The following ZNF143 variants were observed in gnomAD, a reference collection of about 807,000 sequenced individuals.
ZNF143 encodes SPH-binding factor.
ZNF143 carries 49 observed loss-of-function variants against 74.1 expected under a neutral mutation model. The observed-to-expected ratio is 0.66, with a 90% CI of 0.53 to 0.84. ZNF143 has a LOEUF of 0.84. Among genes scored for constraint, ZNF143 ranks in the 40% least tolerant of loss-of-function variants. The probability of loss-of-function intolerance (pLI) is 0.00; values close to 1 mark genes in which losing one functional copy is unlikely to be tolerated. For missense variants in ZNF143, 637 were observed against 793.4 expected (o/e 0.80, Z 2.37); for synonymous variants, 304 against 282.8 (o/e 1.07, Z -0.75).
rs1856657425 is a variant in ZNF143 at position 9,472,754 on chromosome 11, C to G, written c.190C>G (p.Gln64Glu). Reference sequence around the variant, plus strand: ...TGCAGATGGTTCTACTGCTTACATACAACACAATTCTAAAGGTATGTGCCT... The same window carrying G: ...TGCAGATGGTTCTACTGCTTACATAGAACACAATTCTAAAGGTATGTGCCT... ...TLADGSTAYI[Q>E]HNSKDAKLID... Residue 64 changes from glutamine to glutamate, a missense_variant, in exon 3 of 16, where the codon CAA (glutamine) becomes GAA (glutamate). Gln to Glu is a conservative substitution (Grantham distance 29). Around this residue, in one of 2 missense-constraint regions of ZNF143, gnomAD observed 293 missense variants for 307.8 expected, o/e 0.95. Transcript: ENST00000396602. 1 of 1,585,238 alleles carries G rather than the reference C, an allele frequency of 6.3e-7. No individual in the cohort carries two copies. The highest frequency in any genetic ancestry group is 8.5e-7 in the Non-Finnish European group (1 of 1,169,594).
At chr11:9,492,853 G>A (rs187828867) in intron 7 of ZNF143, among the ~76,000 whole-genome samples, 108 of 152,242 alleles carry the variant, frequency 7.1e-4, no homozygotes, top group Non-Finnish European at 1.4e-3. Context: ...CAACAAGACA[G>A]TTGATTAAAG....
intron 14 of ZNF143, among the ~76,000 whole-genome samples, chr11:9,522,298 C>G (rs1250348622): frequency 1.3e-5 from 2 of 151,688 alleles, no homozygotes; most frequent in South Asian, 4.2e-4. Flanking sequence ...TAGCTGGGAC[C>G]CAGGCTGGCC....
At chr11:9,462,478 A>T (rs920540818) in intron 1 of ZNF143, among the ~76,000 whole-genome samples, 2 of 151,888 alleles carry the variant, frequency 1.3e-5, no homozygotes, top group Non-Finnish European at 1.5e-5. Context: ...TGAGAGGATC[A>T]CTTGAGCCCA....
chr11:9,463,675 G>A (rs577338300), intron 1 of ZNF143: 1 of 152,264 alleles, frequency 6.6e-6, no homozygotes, highest in African/African-American at 2.4e-5. Context: ...CTAGATAGAA[G>A]TCCCTTATCA....
chr11:9,482,046 C>G (rs1590540447), intron 7 of ZNF143, among the ~76,000 whole-genome samples: 1 of 145,102 alleles, frequency 6.9e-6, no homozygotes, highest in African/African-American at 2.6e-5. Context: ...TCTTGGCTCA[C>G]TGCAAGCTCT....
In ZNF143 at chr11:9,473,982, G is replaced by A; in HGVS notation, c.247G>A (p.Gly83Ser). The A allele has an allele frequency of 1.9e-6, 3 of 1,614,032 alleles. No homozygotes were observed. Among genetic ancestry groups the A allele is most frequent in the Non-Finnish European group, 2.5e-6 (3 of 1,179,962 alleles). Reference sequence around the variant, plus strand: ...TGGCCAGGTCATTCAGTTGGAAGATGGTTCTGCGGCCTATGTTCAACATGT... The same window carrying A: ...TGGCCAGGTCATTCAGTTGGAAGATAGTTCTGCGGCCTATGTTCAACATGT... ...IDGQVIQLED[G>S]SAAYVQHVPI... The change falls in exon 4 of 16, where the codon GGT (glycine) becomes AGT (serine). Residue 83 changes from glycine (G) to serine (S), a missense_variant. Around this residue, in one of 2 missense-constraint regions of ZNF143, gnomAD observed 293 missense variants for 307.8 expected, o/e 0.95. Transcript: ENST00000396602.
At chr11:9,483,917 C>T (rs1847352172) in intron 7 of ZNF143, among the ~76,000 whole-genome samples, 1 of 150,562 alleles carries the variant, frequency 6.6e-6, no homozygotes, top group South Asian at 2.1e-4. Flanking sequence ...GCACAGCTGA[C>T]GTTTGTATTT....
chr11:9,474,160 C>G, intron 4 of ZNF143, 136 bp downstream of exon 4: 1 of 720,586 alleles, frequency 1.4e-6, no homozygotes, highest in Non-Finnish European at 2.4e-6. Flanking sequence ...ATTATAGATG[C>G]CACAGAGTGG....
chr11:9,483,852 G>A (rs1036733124), intron 7 of ZNF143, among the ~76,000 whole-genome samples: 2 of 148,672 alleles, frequency 1.3e-5, no homozygotes, highest in East Asian at 2.0e-4. Context: ...TGGGTTCAGC[G>A]GATTCTCCTG....
chr11:9,519,384 G>T (rs1459384187), intron 14 of ZNF143, among the ~76,000 whole-genome samples: 2 of 152,134 alleles, frequency 1.3e-5, no homozygotes, highest in Non-Finnish European at 2.9e-5. Flanking sequence ...GACCTCAAGT[G>T]ATCTGCCCGC....
At chr11:9,489,593 A>G (rs530934677) in intron 7 of ZNF143, among the ~76,000 whole-genome samples, 10 of 152,306 alleles carry the variant, frequency 6.6e-5, no homozygotes, top group Non-Finnish European at 1.3e-4. Flanking sequence ...CTCCTAATAA[A>G]TTGGCCTAGG....
At chr11:9,466,307 T>TCTTTTC (rs201957677) in intron 1 of ZNF143, among the ~76,000 whole-genome samples, 2 of 147,406 alleles carry the variant, frequency 1.4e-5, no homozygotes, top group Non-Finnish European at 3.0e-5. Flanking sequence ...TCTTTTCTTT[T>TCTTTTC]TTTTTGAGAT....
At chr11:9,514,618 A>G (rs1353753123) in intron 13 of ZNF143, among the ~76,000 whole-genome samples, 2 of 152,254 alleles carry the variant, frequency 1.3e-5, no homozygotes, top group Non-Finnish European at 2.9e-5. Flanking sequence ...AGATCCTAAT[A>G]AGAGAATGGG....
Position 9,474,524 on chromosome 11 carries a change from AT to A in ZNF143, c.290-25del, listed in dbSNP as rs754635612. On this transcript the variant is annotated intron_variant, in intron 4 of 15. Transcript: ENST00000396602. ...ATTGGAATGTGCTAGAAAACATGAG[AT>A]CTAAATGTAAGCATTGTTCTTGAGC... 1.9e-5 allele frequency: 30 copies of A among 1,612,778 alleles called. 2 individuals are homozygous for A. In the South Asian group the frequency reaches 3.2e-4, roughly 17 times the overall value.
At chr11:9,461,877 T>G (rs964980202) in intron 1 of ZNF143, 1 of 152,212 alleles carries the variant, frequency 6.6e-6, no homozygotes, top group Non-Finnish European at 1.5e-5. Flanking sequence ...TGCCAGCCCA[T>G]TATTTGTTTA....
Position 9,527,779 on chromosome 11 carries a change from A to G in ZNF143, c.*166A>G, listed in dbSNP as rs1849180881. 11 of 608,352 alleles carry G rather than the reference A, an allele frequency of 1.8e-5. No individual in the cohort carries two copies. The highest frequency in any genetic ancestry group is 1.0e-4 in the South Asian group (5 of 48,910). The allele number at this position is 608,352 out of a possible 1,614,324, so 37.7% of individuals were successfully genotyped here. A position where few individuals can be genotyped will look rare whatever the true frequency, so the allele number is the denominator to read the frequency against. On this transcript the variant is annotated 3_prime_UTR_variant, in exon 16 of 16. Coordinates refer to ENST00000396602, the MANE Select transcript of ZNF143 (RefSeq NM_003442.6). ...TTTTATTCTTGACACTTTTGTGTAT[A>G]TAACCCTTGGAATAGATTCTCAGAG...
chr11:9,499,796 G>T (rs545695834), intron 10 of ZNF143, among the ~76,000 whole-genome samples: 1 of 152,258 alleles, frequency 6.6e-6, no homozygotes, highest in Non-Finnish European at 1.5e-5. Flanking sequence ...CCCTTCCCCA[G>T]AAGTTGTTTG....
intron 6 of ZNF143, 28 bp downstream of exon 6, chr11:9,478,614 T>A (rs1430364530): frequency 6.3e-7 from 1 of 1,583,390 alleles, no homozygotes; most frequent in Non-Finnish European, 8.6e-7. Context: ...GTCAAGAATG[T>A]TGCAGATATA....
intron 1 of ZNF143, 182 bp from the exon 2 acceptor site, chr11:9,471,120 A>G (rs1856540207): frequency 2.4e-6 from 1 of 419,292 alleles, no homozygotes; most frequent in Admixed American, 4.4e-5. Context: ...GAATTGTTGA[A>G]TTATAAGAAG....
Sources: allele counts gnomAD v4.1 joint callset (sites outside exome capture counted in the v4.1 genomes callset), GRCh38; gene constraint gnomAD v4.1.1; regional missense constraint gnomAD v4.1.1; transcripts MANE v1.5; gene names NCBI Gene and HGNC (gene_info 2026-07-23, HGNC 2026-07-21).